The following GCC2 variants were observed in gnomAD, a reference collection of about 807,000 sequenced individuals.
The protein encoded by GCC2 is GRIP and coiled-coil domain containing 2, also known as GRIP and coiled-coil domain-containing protein 2.
Under a neutral mutation model 210.6 loss-of-function variants are expected in GCC2, and 120 were observed. That is an observed-to-expected ratio of 0.57 (90% CI 0.49 to 0.66). The LOEUF (loss-of-function observed/expected upper bound fraction) is 0.66. Ranked by LOEUF, GCC2 falls within the 30% of genes least tolerant of loss-of-function variation. The pLI is 0.00. For synonymous variants in GCC2, 703 were observed against 652.7 expected, an observed-to-expected ratio of 1.08 and a Z score of -1.17; for missense variants, 1,868 against 1,871.9, an observed-to-expected ratio of 1.00 and a Z score of 0.04.
intron 12 of GCC2, 124 bp from the exon 13 acceptor site, chr2:108,484,022 TTCA>T: frequency 2.1e-6 from 1 of 481,764 alleles, no homozygotes; most frequent in Non-Finnish European, 3.7e-6. Flanking sequence ...TGTAAACAAT[TTCA>T]GTATTACAGA....
chr2:108,479,962 CAG>C (rs1681754663), intron 9 of GCC2, among the ~76,000 whole-genome samples: 1 of 134,538 alleles, frequency 7.4e-6, no homozygotes, highest in African/African-American at 2.9e-5. Flanking sequence ...AGCCTGGCGA[CAG>C]AGCGAGACTC....
chr2:108,453,048 A>T (rs1680042206), intron 4 of GCC2, among the ~76,000 whole-genome samples: 1 of 152,152 alleles, frequency 6.6e-6, no homozygotes, highest in South Asian at 2.1e-4. Context: ...GCCCCCTGAA[A>T]ACCTGGCCAT....
Position 108,508,497 on chromosome 2 carries a change from CAGGCTCTTGAT to C in GCC2, c.*871_*881del, listed in dbSNP as rs1241587413. The C allele has an allele frequency of 9.9e-5, 13 of 131,570 alleles. No individual in the cohort carries two copies. The highest frequency in any genetic ancestry group is 3.7e-4 in the African/African-American group (13 of 34,786). 8.2% of individuals were successfully genotyped at this position (131,570 alleles called of 1,614,324 possible). ...TTGAGGTGATTTCATGGTGTCTTTC[CAGGCTCTTGAT>C]AGGGTGTCACTGCATGCAAGCCATG... On this transcript the variant is annotated 3_prime_UTR_variant, in exon 23 of 23. Coordinates refer to ENST00000309863, the MANE Select transcript of GCC2 (RefSeq NM_181453.4).
intron 2 of GCC2, among the ~76,000 whole-genome samples, chr2:108,450,620 G>T (rs1487628426): frequency 1.3e-5 from 2 of 152,196 alleles, no homozygotes; most frequent in Admixed American, 1.3e-4. Context: ...GGTGGGTCAC[G>T]CCTGTAATCC....
At chr2:108,461,815 T>A (rs1192702195) in intron 4 of GCC2, among the ~76,000 whole-genome samples, 2 of 148,010 alleles carry the variant, frequency 1.4e-5, no homozygotes, top group African/African-American at 5.1e-5. Flanking sequence ...CTAAATAGGT[T>A]TTCTTTTTTT....
At position 108,486,586 on chromosome 2, in the gene GCC2, C is replaced by T. The variant is rs985615983; in HGVS notation, c.3868C>T (p.Arg1290Cys). 7.4e-6 allele frequency: 12 copies of T among 1,613,434 alleles called. No homozygotes were observed. The African/African-American group carries it at 8.0e-5, about 11-fold the overall frequency. The change falls in exon 16 of 23, where the codon CGT (arginine) becomes TGT (cysteine). Residue 1290 changes from arginine (R) to cysteine (C), a missense_variant. Arg to Cys is a radical substitution (Grantham distance 180). This residue lies in a region of GCC2 where 1,847 missense variants were observed against 1,765.2 expected (regional missense o/e 1.05). Coordinates refer to ENST00000309863, the MANE Select transcript of GCC2 (RefSeq NM_181453.4). ...HLKTSAEQHQRTLSAYQQRVT... is the reference protein window; with the variant it reads ...HLKTSAEQHQCTLSAYQQRVT... ...GAAAACCTCTGCGGAACAGCACCAG[C>T]GTACGCTAAGTGCATACCAGCAGAG...
intron 3 of GCC2, among the ~76,000 whole-genome samples, chr2:108,451,841 CTTT>C (rs367697586): frequency 7.2e-5 from 9 of 124,910 alleles, no homozygotes; most frequent in East Asian, 2.5e-4. Flanking sequence ...CTCTCTCTCT[CTTT>C]TTTTTTTTTT....
chr2:108,494,862 G>C (rs375804995), intron 19 of GCC2: 1 of 152,670 alleles, frequency 6.6e-6, no homozygotes, highest in Non-Finnish European at 1.5e-5. Context: ...CGCCAGGCTG[G>C]AGTGCAGTGG....
intron 18 of GCC2, 88 bp downstream of exon 18, chr2:108,490,102 G>T: frequency 1.1e-6 from 1 of 932,658 alleles, no homozygotes; most frequent in Non-Finnish European, 1.5e-6. Context: ...TGAGATAAAT[G>T]CAGATTAGAA....
intron 22 of GCC2, among the ~76,000 whole-genome samples, chr2:108,502,656 ACG>A (rs1558763430): frequency 2.0e-5 from 3 of 151,204 alleles, no homozygotes; most frequent in African/African-American, 2.4e-5. Context: ...AAGGCCTGGC[ACG>A]GTGGCTCACA....
chr2:108,483,384 C>G (rs984070363), intron 12 of GCC2, among the ~76,000 whole-genome samples: 1 of 151,990 alleles, frequency 6.6e-6, no homozygotes, highest in Non-Finnish European at 1.5e-5. Context: ...TCACCACACC[C>G]GGCTAATTTT....
At chr2:108,468,289 C>T (rs971267847) in intron 4 of GCC2, among the ~76,000 whole-genome samples, 6 of 152,068 alleles carry the variant, frequency 3.9e-5, no homozygotes, top group African/African-American at 1.4e-4. Flanking sequence ...TGGTCTTGAA[C>T]TCCTGACCTC....
At chr2:108,465,902 C>T (rs1680856048) in intron 4 of GCC2, among the ~76,000 whole-genome samples, 1 of 152,118 alleles carries the variant, frequency 6.6e-6, no homozygotes, top group South Asian at 2.1e-4. Flanking sequence ...TCGCCCAGGC[C>T]GGGGTGCAGT....
At chr2:108,481,849 A>T (rs776047247) in intron 10 of GCC2, 33 bp downstream of exon 10, 1 of 1,440,110 alleles carries the variant, frequency 6.9e-7, no homozygotes, top group South Asian at 1.3e-5. Context: ...AATGAAAACT[A>T]TAACAGGTAT....
chr2:108,492,116 T>C (rs1437601877), intron 18 of GCC2, among the ~76,000 whole-genome samples: 3 of 151,846 alleles, frequency 2.0e-5, no homozygotes, highest in Admixed American at 6.6e-5. Flanking sequence ...TCTAAAGTTT[T>C]CTGAGTAAAT....
chr2:108,449,636 C>G lies in GCC2; in HGVS notation c.10C>G (p.Leu4Val), dbSNP rs577571534. 5.0e-6 allele frequency: 8 copies of G among 1,613,498 alleles called. No homozygotes were observed. Among genetic ancestry groups the G allele is most frequent in the Non-Finnish European group, 6.8e-6 (8 of 1,179,612 alleles). MED[L>V]VQDGVASPAT... ...TGGGTTTGATTTTGTTTTGCAGGAT[C>G]TTGTTCAAGATGGGGTGGCTTCACC... Residue 4 changes from leucine to valine, a missense_variant, in exon 2 of 23, where the codon CTT (leucine) becomes GTT (valine). By Grantham distance (32) the Leu-to-Val change is conservative. Coordinates refer to ENST00000309863, the MANE Select transcript of GCC2 (RefSeq NM_181453.4).
chr2:108,472,201 C>T lies in GCC2; in HGVS notation c.2787+85C>T, dbSNP rs201069418. 1.2e-4 allele frequency: 119 copies of T among 960,650 alleles called. No individual in the cohort carries two copies. The East Asian group carries it at 2.8e-3, about 22-fold the overall frequency. 59.5% of individuals were successfully genotyped at this position (960,650 alleles called of 1,614,324 possible). On this transcript the variant is annotated intron_variant, in intron 6 of 22. Transcript: ENST00000309863. ...TACGTTAAACATTTTTACACCTTGA[C>T]GTCAAAAGTAAATTTTTACCATTTA... is the stretch of plus-strand genomic sequence containing the variant.
chr2:108,488,786 A>C (rs985844109), intron 17 of GCC2, among the ~76,000 whole-genome samples: 1 of 152,210 alleles, frequency 6.6e-6, no homozygotes, highest in African/African-American at 2.4e-5. Context: ...TGTTCTAAAC[A>C]AGACTAATTA....
chr2:108,472,986 TAATG>T, intron 7 of GCC2, 87 bp downstream of exon 7: 1 of 748,256 alleles, frequency 1.3e-6, no homozygotes, highest in Non-Finnish European at 2.2e-6. Flanking sequence ...AGTAGCCAAA[TAATG>T]AGTTGTTAAA....
Sources: gnomAD v4.1 joint callset for allele counts (sites outside exome capture counted in the v4.1 genomes callset) on GRCh38, gnomAD v4.1.1 for gene constraint, gnomAD v4.1.1 regional missense constraint, MANE v1.5 for transcripts, NCBI Gene and HGNC (gene_info 2026-07-23, HGNC 2026-07-21) for gene names.